TRIM36: variants seen among roughly 807,000 people sequenced by gnomAD.
TRIM36 encodes tripartite motif containing 36.
TRIM36 carries 42 observed loss-of-function variants against 72.4 expected under a neutral mutation model. The ratio of observed to expected loss-of-function variants is 0.58; its 90% CI spans 0.45 to 0.75. TRIM36 has a LOEUF of 0.75. Among genes scored for constraint, TRIM36 ranks in the 30% least tolerant of loss-of-function variants. The pLI is 0.00. For synonymous variants in TRIM36, 315 were observed against 282.8 expected (o/e 1.11, Z -1.14); for missense variants, 913 against 857.1 (o/e 1.07, Z -0.81).
intron 7 of TRIM36, among the ~76,000 whole-genome samples, chr5:115,136,422 C>T (rs1752967880): frequency 6.6e-6 from 1 of 152,120 alleles, no homozygotes; most frequent in Non-Finnish European, 1.5e-5. Context: ...TTGTAGGCTC[C>T]AGAAATGTAA....
At chr5:115,157,137 T>C (rs996472280) in intron 2 of TRIM36, among the ~76,000 whole-genome samples, 3 of 149,540 alleles carry the variant, frequency 2.0e-5, no homozygotes, top group African/African-American at 7.4e-5. Context: ...CCTGCAAGAA[T>C]GGCCATAATA....
At chr5:115,149,750 A>AACAGATCT (rs1432543787) in intron 2 of TRIM36, 80 of 151,366 alleles carry the variant, frequency 5.3e-4, no homozygotes, top group African/African-American at 1.8e-3. Flanking sequence ...TATCTTTCTA[A>AACAGATCT]ACAGATCTTG....
chr5:115,149,401 A>G (rs1753765786), intron 2 of TRIM36: 2 of 151,786 alleles, frequency 1.3e-5, no homozygotes, highest in South Asian at 2.1e-4. Context: ...ATGAAAATTT[A>G]GATAAATAGA....
At chr5:115,143,800 TG>T (rs1420348543) in intron 4 of TRIM36, among the ~76,000 whole-genome samples, 3 of 152,224 alleles carry the variant, frequency 2.0e-5, no homozygotes, top group Non-Finnish European at 4.4e-5. Flanking sequence ...CTGCTGCCTT[TG>T]TTGTTGATTA....
chr5:115,133,030 C>T (rs186919902), intron 8 of TRIM36, among the ~76,000 whole-genome samples: 3 of 151,662 alleles, frequency 2.0e-5, no homozygotes, highest in Non-Finnish European at 4.4e-5. Flanking sequence ...CTATTTTGAA[C>T]AAAAAAGGAA....
At chr5:115,159,257 T>C (rs1561441466) in intron 2 of TRIM36, among the ~76,000 whole-genome samples, 1 of 152,196 alleles carries the variant, frequency 6.6e-6, no homozygotes, top group Non-Finnish European at 1.5e-5. Context: ...TTTAATCAAA[T>C]TTTTCAATAC....
intron 8 of TRIM36, among the ~76,000 whole-genome samples, chr5:115,131,905 G>T (rs1249612090): frequency 1.3e-5 from 2 of 152,112 alleles, no homozygotes; most frequent in African/African-American, 4.8e-5. Flanking sequence ...TGTTTAATGG[G>T]TACAGGGTTT....
At chr5:115,136,640 C>G (rs1441545338) in intron 7 of TRIM36, among the ~76,000 whole-genome samples, 1 of 152,104 alleles carries the variant, frequency 6.6e-6, no homozygotes, top group Non-Finnish European at 1.5e-5. Flanking sequence ...AAAAAAGTCT[C>G]TTAGTAGGAA....
At chr5:115,137,693 C>T (rs1753037519) in intron 5 of TRIM36, 77 bp from the exon 6 acceptor site, 1 of 1,437,862 alleles carries the variant, frequency 7.0e-7, no homozygotes, top group African/African-American at 1.4e-5. Flanking sequence ...AATGGCTTTC[C>T]ACAAAGTTCT....
intron 1 of TRIM36, among the ~76,000 whole-genome samples, chr5:115,176,125 CA>C (rs1365633094): frequency 6.7e-6 from 1 of 149,676 alleles, no homozygotes; most frequent in Non-Finnish European, 1.5e-5. Flanking sequence ...AACTGTGTCT[CA>C]AAAAAAAATA....
At chr5:115,147,662 CAT>C (rs1753668789) in intron 2 of TRIM36, among the ~76,000 whole-genome samples, 1 of 152,006 alleles carries the variant, frequency 6.6e-6, no homozygotes. Context: ...TTAAATCAAA[CAT>C]AGATATAAAG....
upstream of TRIM36, chr5:115,174,278 A>C (rs1024740224): frequency 3.3e-5 from 5 of 152,240 alleles, no homozygotes; most frequent in African/African-American, 1.2e-4. Context: ...AAGAAATAGA[A>C]ACAAGGTAAT....
chr5:115,163,986 T>A (rs1386000711), intron 1 of TRIM36, among the ~76,000 whole-genome samples: 2 of 152,018 alleles, frequency 1.3e-5, no homozygotes, highest in African/African-American at 4.8e-5. Context: ...AAGAGAAAAA[T>A]TATGTAAAAT....
chr5:115,152,911 C>T (rs974509990), intron 2 of TRIM36, among the ~76,000 whole-genome samples: 10 of 152,052 alleles, frequency 6.6e-5, no homozygotes, highest in African/African-American at 2.4e-4. Flanking sequence ...AACAGAACCT[C>T]TTTAAAGCAT....
In TRIM36 at chr5:115,169,592, T is replaced by A; in HGVS notation, c.27+16A>T. ...ACCGCCCTCGAGGTGGGGGCGGCGG[T>A]CCCCTCCGCACTCACCGGCGAATCT... On this transcript the variant is annotated intron_variant, in intron 1 of 9. Transcript: ENST00000513154. 1 of 1,506,986 alleles carries A rather than the reference T, an allele frequency of 6.6e-7. No individual in the cohort carries two copies. Among genetic ancestry groups the A allele is most frequent in the Non-Finnish European group, 8.8e-7 (1 of 1,130,542 alleles). The allele number at this position is 1,506,986 out of a possible 1,614,324, so 93.4% of individuals were successfully genotyped here.
chr5:115,157,521 G>A (rs904490407), intron 2 of TRIM36, among the ~76,000 whole-genome samples: 4 of 152,052 alleles, frequency 2.6e-5, no homozygotes, highest in African/African-American at 4.8e-5. Context: ...CCAAGATCAC[G>A]CCATTGCACT....
chr5:115,169,936 T>C, upstream of TRIM36: 1 of 1,247,004 alleles, frequency 8.0e-7, no homozygotes. Flanking sequence ...CGCAGAGACC[T>C]GGGCGGGGCA....
chr5:115,147,509 C>T (rs926816123), intron 2 of TRIM36, 115 bp from the exon 3 acceptor site: 22 of 1,220,904 alleles, frequency 1.8e-5, no homozygotes, highest in South Asian at 4.9e-5. Flanking sequence ...AAACAGTATC[C>T]GAAGTGGCTC....
At chr5:115,126,925 GGAT>G (rs1752389148) in intron 9 of TRIM36, 68 bp from the exon 10 acceptor site, 3 of 1,416,612 alleles carry the variant, frequency 2.1e-6, no homozygotes, top group Non-Finnish European at 9.6e-7. Context: ...CATTTTCACA[GGAT>G]AATATACATT....
Sources: allele counts gnomAD v4.1 joint callset (sites outside exome capture counted in the v4.1 genomes callset), GRCh38; gene constraint gnomAD v4.1.1; transcripts MANE v1.5; gene names NCBI Gene and HGNC (gene_info 2026-07-23, HGNC 2026-07-21).